The following SDK1 variants were observed in gnomAD, a reference collection of about 807,000 sequenced individuals.
SDK1 encodes sidekick cell adhesion molecule 1.
A neutral mutation model predicts 245.5 loss-of-function variants in SDK1; 157 were observed. The observed-to-expected ratio is 0.64, with a 90% CI of 0.56 to 0.73. The LOEUF (loss-of-function observed/expected upper bound fraction) is 0.73, where lower values mean the gene tolerates loss of function less well. Among genes scored for constraint, SDK1 ranks in the 30% least tolerant of loss-of-function variants. The pLI is 0.00. For missense variants in SDK1, 3,583 were observed against 3,002.3 expected, an observed-to-expected ratio of 1.19 and a Z score of -4.52; for synonymous variants, 1,647 against 1,278.5, an observed-to-expected ratio of 1.29 and a Z score of -6.15.
chr7:3,954,970 T>C lies in SDK1; in HGVS notation c.1150+3050T>C, dbSNP rs543407609. Among the ~76,000 whole-genome samples the C allele has an allele frequency of 2.2e-3, 338 of 152,168 alleles. 2 individuals are homozygous for C. The highest frequency in any genetic ancestry group is 3.6e-3 in the Non-Finnish European group (247 of 68,008). ...ACCACCTATGAAACCATTTTTTTTT[T>C]CCTTGGGGTAAGACAAGGATGCCCC... On this transcript the variant is annotated intron_variant, in intron 7 of 44. Coordinates refer to ENST00000404826, the MANE Select transcript of SDK1 (RefSeq NM_152744.4).
intron 1 of SDK1, among the ~76,000 whole-genome samples, chr7:3,413,343 G>C (rs1411965031): frequency 6.6e-6 from 1 of 152,202 alleles, no homozygotes; most frequent in East Asian, 1.9e-4. Context: ...GATCCTCACT[G>C]TGGTAAGGAG....
chr7:4,052,643 G>C (rs1778944114), intron 19 of SDK1, among the ~76,000 whole-genome samples: 1 of 152,126 alleles, frequency 6.6e-6, no homozygotes, highest in South Asian at 2.1e-4. Flanking sequence ...TATGAACAGA[G>C]AAAAGACCTT....
intron 3 of SDK1, among the ~76,000 whole-genome samples, chr7:3,640,981 G>T (rs7788215): frequency 9.2e-5 from 14 of 151,638 alleles, no homozygotes; most frequent in African/African-American, 3.4e-4. Context: ...TGTGCTCTGC[G>T]TTTAGATTTT....
intron 14 of SDK1, among the ~76,000 whole-genome samples, chr7:3,992,484 G>T (rs910203822): frequency 2.0e-5 from 3 of 152,146 alleles, no homozygotes. Context: ...GCCAGGTGGC[G>T]GATGAGGGAA....
rs527880100 is a variant in SDK1 at position 3,973,952 on chromosome 7, C to T, written c.1818-417C>T. 7.9e-5 allele frequency among the ~76,000 whole-genome samples: 12 copies of T among 152,066 alleles called. No individual in the cohort carries two copies. The South Asian group carries it at 1.2e-3, about 16-fold the overall frequency. On this transcript the variant is annotated intron_variant, in intron 12 of 44. Coordinates refer to ENST00000404826, the MANE Select transcript of SDK1 (RefSeq NM_152744.4). The stretch of plus-strand genomic sequence containing the variant: ...ATCCCAGCAGTTTGGGAGGCCGAGA[C>T]GGGCAGATCACTTGAGGCTAGGAGT...
chr7:3,841,096 G>A (rs1780146248), intron 5 of SDK1, among the ~76,000 whole-genome samples: 1 of 152,184 alleles, frequency 6.6e-6, no homozygotes, highest in Admixed American at 6.5e-5. Flanking sequence ...TTTGCAGTGG[G>A]TCTCGAATGT....
At chr7:3,445,152 C>G (rs2128589815) in intron 1 of SDK1, among the ~76,000 whole-genome samples, 1 of 152,202 alleles carries the variant, frequency 6.6e-6, no homozygotes, top group East Asian at 1.9e-4. Flanking sequence ...AACCTACTAG[C>G]TGCATTTATA....
At position 3,799,198 on chromosome 7, in the gene SDK1, T is replaced by C. The variant is rs185117120; in HGVS notation, c.714-22252T>C. Reference sequence around the variant, plus strand: ...CTTCTTATAAACTTCAAAATACTTATTTTTCGTTTTCAGGACATTCAGTTG... The same window carrying C: ...CTTCTTATAAACTTCAAAATACTTACTTTTCGTTTTCAGGACATTCAGTTG... On this transcript the variant is annotated intron_variant, in intron 4 of 44. Coordinates refer to ENST00000404826, the MANE Select transcript of SDK1 (RefSeq NM_152744.4). Among the ~76,000 whole-genome samples, 353 of 152,314 alleles carry C rather than the reference T, an allele frequency of 2.3e-3. 2 individuals are homozygous for C. The highest frequency in any genetic ancestry group is 8.0e-3 in the African/African-American group (333 of 41,568).
chr7:4,223,717 G>A (rs1368376319), intron 40 of SDK1, among the ~76,000 whole-genome samples: 1 of 152,200 alleles, frequency 6.6e-6, no homozygotes, highest in African/African-American at 2.4e-5. Flanking sequence ...CTCATTGGGA[G>A]GTATTGGGGG....
intron 4 of SDK1, among the ~76,000 whole-genome samples, chr7:3,654,217 TTCG>T (rs1267844789): frequency 2.0e-5 from 3 of 152,156 alleles, no homozygotes; most frequent in African/African-American, 7.2e-5. Flanking sequence ...GAAAGTTCTT[TTCG>T]TTGTTGTTCT....
At chr7:3,591,619 G>C (rs1182664018) in intron 1 of SDK1, among the ~76,000 whole-genome samples, 1 of 152,202 alleles carries the variant, frequency 6.6e-6, no homozygotes, top group Non-Finnish European at 1.5e-5. Context: ...TTTATATCTT[G>C]GTAGATTTGC....
intron 4 of SDK1, among the ~76,000 whole-genome samples, chr7:3,753,517 G>A (rs186172131): frequency 1.3e-5 from 2 of 152,304 alleles, no homozygotes; most frequent in East Asian, 3.9e-4. Context: ...AATGCACTCA[G>A]CCAGGTTGCA....
In SDK1 at chr7:4,243,499, C is replaced by T. The variant is rs182036424; in HGVS notation, c.6251+1586C>T. On this transcript the variant is annotated intron_variant, in intron 43 of 44. Coordinates refer to ENST00000404826, the MANE Select transcript of SDK1 (RefSeq NM_152744.4). ...AAGAGGTTTAATGGACTCACAGTTC[C>T]ACATGGCTGGGGAGACCTCACAATC... 3.4e-3 allele frequency among the ~76,000 whole-genome samples: 519 copies of T among 152,300 alleles called. 4 individuals carry two copies. The highest frequency in any genetic ancestry group is 0.012 in the African/African-American group (500 of 41,568).
chr7:3,445,263 G>C (rs1201819781), intron 1 of SDK1, among the ~76,000 whole-genome samples: 2 of 151,978 alleles, frequency 1.3e-5, no homozygotes, highest in African/African-American at 2.4e-5. Flanking sequence ...ATGCATTTGG[G>C]TATAATCTTA....
At chr7:3,404,218 A>G (rs926080308) in intron 1 of SDK1, among the ~76,000 whole-genome samples, 2 of 152,106 alleles carry the variant, frequency 1.3e-5, no homozygotes, top group Non-Finnish European at 2.9e-5. Flanking sequence ...AAAGCCCTCA[A>G]TTTGAAAAAC....
At chr7:3,920,047 G>A (rs1343461389) in intron 5 of SDK1, among the ~76,000 whole-genome samples, 2 of 152,178 alleles carry the variant, frequency 1.3e-5, no homozygotes, top group Admixed American at 1.3e-4. Flanking sequence ...CAGAGGACTG[G>A]GGGAGAGGGC....
At chr7:3,998,337 T>A (rs1476534910) in intron 14 of SDK1, among the ~76,000 whole-genome samples, 3 of 152,258 alleles carry the variant, frequency 2.0e-5, no homozygotes, top group Non-Finnish European at 4.4e-5. Context: ...AGCTGGCTGC[T>A]GTCATCAAAA....
chr7:4,010,912 T>C (rs1490974448), intron 14 of SDK1, 54 bp from the exon 15 acceptor site: 8 of 1,587,662 alleles, frequency 5.0e-6, no homozygotes, highest in Middle Eastern at 1.7e-4. Flanking sequence ...TCACCTCTTA[T>C]TATTCAGACA....
Position 4,161,881 on chromosome 7 carries a change from G to A in SDK1, c.4800+25G>A, listed in dbSNP as rs145683198. The A allele has an allele frequency of 1.1e-3, 1,759 of 1,600,302 alleles. 10 individuals are homozygous for A. The African/African-American group carries it at 0.02, about 18-fold the overall frequency. ...GGTAAGAGCGCGGGGAATCACGCGC[G>A]TTTTGTCAAATGTGTTCTCATTTCC... On this transcript the variant is annotated intron_variant, in intron 32 of 44. Coordinates refer to ENST00000404826, the MANE Select transcript of SDK1 (RefSeq NM_152744.4).
Sources: gnomAD v4.1 joint callset for allele counts (sites outside exome capture counted in the v4.1 genomes callset) on GRCh38, gnomAD v4.1.1 for gene constraint, MANE v1.5 for transcripts, NCBI Gene and HGNC (gene_info 2026-07-23, HGNC 2026-07-21) for gene names.